The following MAST4 variants were observed in gnomAD, a reference collection of about 807,000 sequenced individuals.
MAST4 encodes the protein microtubule-associated serine/threonine-protein kinase 4.
A neutral mutation model predicts 162.7 loss-of-function variants in MAST4; 89 were observed. The ratio of observed to expected loss-of-function variants is 0.55; its 90% CI spans 0.46 to 0.65. MAST4 has a LOEUF of 0.65. MAST4 is among the 30% of genes least tolerant of loss of function. MAST4 has a pLI of 0.00. For missense variants in MAST4, 3,153 were observed against 3,374.0 expected (o/e 0.93, Z 1.62); for synonymous variants, 1,479 against 1,361.1 (o/e 1.09, Z -1.91).
rs1362196724 is a variant in MAST4 at position 66,625,469 on chromosome 5, A to G, written c.363+28451A>G. 3.3e-5 allele frequency among the ~76,000 whole-genome samples: 5 copies of G among 152,354 alleles called. 1 individual carries two copies. In the East Asian group the frequency reaches 9.6e-4, roughly 29 times the overall value. On this transcript the variant is annotated intron_variant, in intron 1 of 28. Transcript: ENST00000403625. ...AATAAGGGATTAACATCCAAAATAT[A>G]TGAAGAGTGAATACAACTCAATACC...
At chr5:66,814,222 T>C (rs1467592045) in intron 3 of MAST4, among the ~76,000 whole-genome samples, 1 of 152,210 alleles carries the variant, frequency 6.6e-6, no homozygotes, top group Non-Finnish European at 1.5e-5. Flanking sequence ...CTGTTTATGA[T>C]CAACATGTAC....
Position 67,150,098 on chromosome 5 carries a change from CTG to C in MAST4, c.3295+511_3295+512del, listed in dbSNP as rs112761054. On this transcript the variant is annotated intron_variant, in intron 24 of 28. Transcript: ENST00000403625. ...ATTGAAATTCTAGGTTTTCCCAACC[CTG>C]TCAGTTGAGCTATGCTTCCTCCTAC... 6.2e-4 allele frequency among the ~76,000 whole-genome samples: 94 copies of C among 152,316 alleles called. 3 individuals are homozygous for C. Among genetic ancestry groups the C allele is most frequent in the African/African-American group, 2.2e-3 (92 of 41,570 alleles).
Position 66,788,716 on chromosome 5 carries a change from C to T in MAST4, c.564C>T (p.Ala188=). The part of the protein sequence containing the change: ...PNPVAGQAWP[A]SAETSNLVRM... ...CGGTGGCGGGACAGGCCTGGCCGGC[C>T]TCTGCAGAGACGTCCAACCTCGTGC... Residue 188 remains alanine (A), a synonymous_variant, in exon 3 of 29, where the codon GCC becomes GCT. Coordinates refer to ENST00000403625, the MANE Select transcript of MAST4 (RefSeq NM_001164664.2). 6.2e-7 allele frequency: 1 copy of T among 1,613,678 alleles called. No individual in the cohort carries two copies.
chr5:66,970,257 G>C (rs1747265122), intron 4 of MAST4, among the ~76,000 whole-genome samples: 1 of 152,228 alleles, frequency 6.6e-6, no homozygotes, highest in African/African-American at 2.4e-5. Context: ...AAGAGGATGT[G>C]TGTGCGGTGC....
At chr5:66,684,479 T>C (rs1422710598) in intron 1 of MAST4, among the ~76,000 whole-genome samples, 1 of 152,204 alleles carries the variant, frequency 6.6e-6, no homozygotes, top group Non-Finnish European at 1.5e-5. Flanking sequence ...TTAAATGCGT[T>C]TGGAAATCGG....
chr5:66,883,292 C>T (rs1031469166), intron 3 of MAST4, among the ~76,000 whole-genome samples: 8 of 152,084 alleles, frequency 5.3e-5, no homozygotes, highest in East Asian at 1.9e-4. Flanking sequence ...TGATTATTTA[C>T]GTCCTATGTG....
intron 4 of MAST4, among the ~76,000 whole-genome samples, chr5:66,952,994 T>C (rs1036062988): frequency 3.3e-5 from 5 of 152,206 alleles, no homozygotes; most frequent in African/African-American, 1.2e-4. Flanking sequence ...CATCCACTGC[T>C]GTATCACCAC....
chr5:67,163,301 C>T lies in MAST4; in HGVS notation c.4122C>T (p.Ile1374=), dbSNP rs371915244. 47 of 1,613,216 alleles carry T rather than the reference C, an allele frequency of 2.9e-5. No homozygotes were observed. In the East Asian group the frequency reaches 3.1e-4, roughly 11 times the overall value. Residue 1374 remains isoleucine (I), a synonymous_variant, in exon 29 of 29, where the codon ATC becomes ATT. Coordinates refer to ENST00000403625, the MANE Select transcript of MAST4 (RefSeq NM_001164664.2). This position sits in a 1 kb window ranked among gnomAD's most constrained non-coding sequence, Gnocchi z 7.0. The part of the protein sequence containing the change: ...RSGRRKSAGN[I]PLSPLARTPS... ...GAAGGCGAAAGTCCGCCGGCAACATCCCACTGTCCCCGCTGGCCCGGACGC... is the reference window on the plus strand; with the variant it reads ...GAAGGCGAAAGTCCGCCGGCAACATTCCACTGTCCCCGCTGGCCCGGACGC...
At chr5:67,011,961 A>G (rs1693369298) in intron 4 of MAST4, among the ~76,000 whole-genome samples, 1 of 152,136 alleles carries the variant, frequency 6.6e-6, no homozygotes, top group Non-Finnish European at 1.5e-5. Context: ...ATTATGGAGC[A>G]TATGCTGCAT....
rs543647308 is a variant in MAST4 at position 66,895,435 on chromosome 5, A to T, written c.643-4516A>T. On this transcript the variant is annotated intron_variant, in intron 3 of 28. Transcript: ENST00000403625. ...GCCTTAACCTTTTTCTTGCACCCAG[A>T]TTCGTTTGTCTAGTTGCCTGTTTGG... 2.0e-3 allele frequency among the ~76,000 whole-genome samples: 308 copies of T among 152,178 alleles called. 2 individuals are homozygous for T. The highest frequency in any genetic ancestry group is 6.6e-3 in the African/African-American group (274 of 41,530).
chr5:66,738,499 C>T (rs1489867893), intron 1 of MAST4, among the ~76,000 whole-genome samples: 1 of 152,192 alleles, frequency 6.6e-6, no homozygotes, highest in Non-Finnish European at 1.5e-5. Flanking sequence ...TCTGGGGATT[C>T]ATCAGGGAGC....
intron 21 of MAST4, among the ~76,000 whole-genome samples, chr5:67,143,853 T>TC (rs1315599180): frequency 2.0e-5 from 3 of 152,188 alleles, no homozygotes; most frequent in Non-Finnish European, 4.4e-5. Context: ...TATTTCATTT[T>TC]CCCACCATCT....
intron 1 of MAST4, among the ~76,000 whole-genome samples, chr5:66,692,984 A>ATTTTTTTT (rs10711722): frequency 7.5e-6 from 1 of 133,142 alleles, no homozygotes; most frequent in Non-Finnish European, 1.6e-5. Flanking sequence ...TAAAGTTTGT[A>ATTTTTTTT]TTTTTTTTTT....
At chr5:67,022,027 C>T (rs1269657153) in intron 4 of MAST4, among the ~76,000 whole-genome samples, 2 of 152,172 alleles carry the variant, frequency 1.3e-5, no homozygotes, top group Non-Finnish European at 2.9e-5. Context: ...ACACATTCCT[C>T]AGTTAGCATT....
At position 67,149,470 on chromosome 5, in the gene MAST4, C is replaced by G. The variant is rs777771567; in HGVS notation, c.3176C>G (p.Ser1059Cys). 2.5e-6 allele frequency: 4 copies of G among 1,613,698 alleles called. No individual in the cohort carries two copies. Among genetic ancestry groups the G allele is most frequent in the Non-Finnish European group, 3.4e-6 (4 of 1,179,814 alleles). The change falls in exon 24 of 29, where the codon TCC becomes TGC. Residue 1059 changes from serine (S) to cysteine (C), a missense_variant. By Grantham distance (112) the Ser-to-Cys change is moderately radical. Around this residue, in one of 7 missense-constraint regions of MAST4, gnomAD observed 619 missense variants for 744.2 expected, o/e 0.83. Transcript: ENST00000403625. ...VDSTDNSSKP[S>C]SEPASHMARQ... ...AGTACAGATAATTCCTCAAAGCCATCCAGTGAACCCGCTTCTCACATGGCT... is the reference window on the plus strand; with the variant it reads ...AGTACAGATAATTCCTCAAAGCCATGCAGTGAACCCGCTTCTCACATGGCT...
At chr5:67,074,245 G>A (rs1299360922) in intron 5 of MAST4, among the ~76,000 whole-genome samples, 5 of 152,186 alleles carry the variant, frequency 3.3e-5, no homozygotes, top group African/African-American at 9.6e-5. Flanking sequence ...TCAAAATGAT[G>A]AGACATCAGT....
At chr5:66,965,398 A>C (rs1746592780) in intron 4 of MAST4, among the ~76,000 whole-genome samples, 1 of 151,782 alleles carries the variant, frequency 6.6e-6, no homozygotes, top group Admixed American at 6.6e-5. Flanking sequence ...TCCTAAAGGC[A>C]ATAGGCTATT....
At chr5:67,141,988 TA>T (rs1770453912) in intron 19 of MAST4, 126 bp from the exon 20 acceptor site, 1 of 989,936 alleles carries the variant, frequency 1.0e-6, no homozygotes, top group Non-Finnish European at 1.5e-6. Context: ...AATGAAAAAG[TA>T]TGATTTTCAT....
rs1000561367 is a variant in MAST4 at position 67,166,522 on chromosome 5, C to A, written c.7343C>A (p.Ser2448Tyr). ...KRSPSATGQS[S>Y]FRSTALPEKS... ...TCCCCCTCAGCCACTGGGCAGAGTT[C>A]TTTCCGATCCACGGCCCTCCCGGAA... Residue 2448 changes from serine to tyrosine, a missense_variant, in exon 29 of 29, where the codon TCT (serine) becomes TAT (tyrosine). Ser to Tyr is a moderately radical substitution (Grantham distance 144). Transcript: ENST00000403625. The A allele has an allele frequency of 1.2e-6, 2 of 1,607,390 alleles. No individual in the cohort carries two copies. The highest frequency in any genetic ancestry group is 1.7e-6 in the Non-Finnish European group (2 of 1,177,108).
Sources: gnomAD v4.1 joint callset for allele counts (sites outside exome capture counted in the v4.1 genomes callset) on GRCh38, gnomAD v4.1.1 for gene constraint, gnomAD v4.1.1 regional missense constraint, Gnocchi (gnomAD v3.1) non-coding constraint, MANE v1.5 for transcripts, NCBI Gene and HGNC (gene_info 2026-07-23, HGNC 2026-07-21) for gene names.